IQGAP2: variants seen among roughly 807,000 people sequenced by gnomAD.
IQGAP2 encodes IQ motif containing GTPase activating protein 2, also known as ras GTPase-activating-like protein IQGAP2.
A neutral mutation model predicts 201.3 loss-of-function variants in IQGAP2; 173 were observed. That is an observed-to-expected ratio of 0.86 (90% CI 0.76 to 0.98). IQGAP2 has a LOEUF of 0.98. Among genes scored for constraint, IQGAP2 ranks in the 50% least tolerant of loss-of-function variants. IQGAP2 has a pLI of 0.00. For missense variants in IQGAP2, 1,687 were observed against 1,864.8 expected, an observed-to-expected ratio of 0.90 and a Z score of 1.76; for synonymous variants, 675 against 673.9, an observed-to-expected ratio of 1.00 and a Z score of -0.03.
intron 15 of IQGAP2, among the ~76,000 whole-genome samples, chr5:76,633,769 A>G (rs1208328159): frequency 6.6e-6 from 1 of 152,198 alleles, no homozygotes; most frequent in Non-Finnish European, 1.5e-5. Flanking sequence ...CATTTCATGT[A>G]AACAGAATTA....
chr5:76,546,120 C>T (rs961281683), intron 2 of IQGAP2, among the ~76,000 whole-genome samples: 3 of 152,186 alleles, frequency 2.0e-5, no homozygotes, highest in African/African-American at 7.2e-5. Flanking sequence ...GAAATGAACA[C>T]AGGTGTCTAT....
chr5:76,411,147 C>T (rs1408882646), intron 1 of IQGAP2, among the ~76,000 whole-genome samples: 3 of 152,122 alleles, frequency 2.0e-5, no homozygotes, highest in Non-Finnish European at 2.9e-5. Flanking sequence ...TTAATAGGCC[C>T]TCCAGGTGAT....
At chr5:76,584,495 A>C (rs1746104708) in intron 5 of IQGAP2, among the ~76,000 whole-genome samples, 1 of 152,146 alleles carries the variant, frequency 6.6e-6, no homozygotes, top group South Asian at 2.1e-4. Context: ...AGCTGTCGTG[A>C]GGTTTGCTCC....
At chr5:76,426,867 A>C (rs1752031618) in intron 1 of IQGAP2, among the ~76,000 whole-genome samples, 1 of 150,420 alleles carries the variant, frequency 6.6e-6, no homozygotes, top group East Asian at 2.0e-4. Context: ...ACTCAATGGC[A>C]GGCTCTTCTC....
chr5:76,410,251 G>A (rs1359472771), intron 1 of IQGAP2, among the ~76,000 whole-genome samples: 3 of 152,150 alleles, frequency 2.0e-5, no homozygotes, highest in African/African-American at 7.2e-5. Flanking sequence ...ATGACCTTGA[G>A]GAAGGTCAGA....
chr5:76,550,069 G>C (rs1324888719), intron 2 of IQGAP2, among the ~76,000 whole-genome samples: 1 of 152,196 alleles, frequency 6.6e-6, no homozygotes, highest in Non-Finnish European at 1.5e-5. Flanking sequence ...ATCAAAGTGA[G>C]AGAGACTCAA....
At chr5:76,520,276 GAA>G (rs1758591086) in intron 2 of IQGAP2, among the ~76,000 whole-genome samples, 1 of 152,150 alleles carries the variant, frequency 6.6e-6, no homozygotes, top group Non-Finnish European at 1.5e-5. Context: ...ACCACTTGTT[GAA>G]AAGACTACTC....
In IQGAP2 at chr5:76,444,086, G is replaced by A. The variant is rs888656852; in HGVS notation, c.47-17484G>A. On this transcript the variant is annotated intron_variant, in intron 1 of 35. Transcript: ENST00000274364. ...TCCTCACAATAGTAGAAAGAATTATGGAGTTAGAAAATCAATAGGCTGGGT... is the reference window on the plus strand; with the variant it reads ...TCCTCACAATAGTAGAAAGAATTATAGAGTTAGAAAATCAATAGGCTGGGT... 2.6e-5 allele frequency among the ~76,000 whole-genome samples: 4 copies of A among 152,170 alleles called. No homozygotes were observed. The South Asian group carries it at 6.2e-4, about 24-fold the overall frequency.
At chr5:76,610,993 A>G in intron 12 of IQGAP2, 27 bp from the exon 13 acceptor site, 1 of 1,591,322 alleles carries the variant, frequency 6.3e-7, no homozygotes, top group Non-Finnish European at 8.6e-7. Context: ...TGTGACTTAA[A>G]AGGAAAACTA....
At position 76,707,633 on chromosome 5, in the gene IQGAP2, T is replaced by G; in HGVS notation, c.*320T>G. 1 of 204,660 alleles carries G rather than the reference T, an allele frequency of 4.9e-6. No homozygotes were observed. Among genetic ancestry groups the G allele is most frequent in the Middle Eastern group, 1.7e-3 (1 of 578 alleles). 12.7% of individuals were successfully genotyped at this position (204,660 alleles called of 1,614,324 possible). A position where few individuals can be genotyped will look rare whatever the true frequency, so the allele number is the denominator to read the frequency against. On this transcript the variant is annotated 3_prime_UTR_variant, in exon 36 of 36. Coordinates refer to ENST00000274364, the MANE Select transcript of IQGAP2 (RefSeq NM_006633.5). ...ATTTAGCTGACTAGGGACAAACATG[T>G]AAACCTATTTTCCTATGAAAAAAAT...
intron 13 of IQGAP2, chr5:76,617,798 A>G (rs1405003072): frequency 3.1e-6 from 5 of 1,613,508 alleles, no homozygotes; most frequent in Non-Finnish European, 4.2e-6. Context: ...GGATGAGGAG[A>G]CTCGCCTTAA....
intron 23 of IQGAP2, among the ~76,000 whole-genome samples, chr5:76,670,479 A>C (rs1744210914): frequency 6.6e-6 from 1 of 152,178 alleles, no homozygotes; most frequent in Non-Finnish European, 1.5e-5. Context: ...GCGCCACTGC[A>C]CTCCAGCCTG....
At chr5:76,536,772 A>T (rs1759649426) in intron 2 of IQGAP2, among the ~76,000 whole-genome samples, 1 of 152,174 alleles carries the variant, frequency 6.6e-6, no homozygotes, top group Admixed American at 6.5e-5. Context: ...AAAAAAAAAA[A>T]AAAAAATTTG....
At chr5:76,618,551 G>A in intron 13 of IQGAP2, 4 of 1,614,116 alleles carry the variant, frequency 2.5e-6, no homozygotes, top group South Asian at 1.1e-5. Context: ...AGGCAGAAAA[G>A]GGGAACTCTT....
Position 76,654,527 on chromosome 5 carries a change from A to G in IQGAP2, c.2250+256A>G, listed in dbSNP as rs1237972209. On this transcript the variant is annotated intron_variant, in intron 19 of 35. Transcript: ENST00000274364. ...AAACTGTGGGCTAGTAACACCAAAG[A>G]GAAGACTCTAGAGAAATATTTTACA... 2.0e-5 allele frequency among the ~76,000 whole-genome samples: 3 copies of G among 152,358 alleles called. No homozygotes were observed. The East Asian group carries it at 5.8e-4, about 29-fold the overall frequency.
intron 14 of IQGAP2, among the ~76,000 whole-genome samples, chr5:76,627,981 G>A (rs1288263897): frequency 6.6e-6 from 1 of 152,146 alleles, no homozygotes; most frequent in Non-Finnish European, 1.5e-5. Context: ...TGAGTTTTGG[G>A]TCAAGCAAAC....
chr5:76,409,786 G>A (rs563850329), intron 1 of IQGAP2, among the ~76,000 whole-genome samples: 79 of 152,230 alleles, frequency 5.2e-4, no homozygotes, highest in Non-Finnish European at 9.7e-4. Context: ...TAGTGAAGCC[G>A]ACCTGTGAGC....
At chr5:76,661,591 G>T (rs944965361) in intron 21 of IQGAP2, among the ~76,000 whole-genome samples, 1 of 152,072 alleles carries the variant, frequency 6.6e-6, no homozygotes, top group African/African-American at 2.4e-5. Context: ...TTAACATGTG[G>T]CCTTGAGCAT....
At chr5:76,484,610 A>G (rs963990837) in intron 2 of IQGAP2, among the ~76,000 whole-genome samples, 1 of 152,312 alleles carries the variant, frequency 6.6e-6, no homozygotes, top group East Asian at 1.9e-4. Context: ...TATGTAACAA[A>G]CCTGCACGTT....
Sources: gnomAD v4.1 joint callset for allele counts (sites outside exome capture counted in the v4.1 genomes callset) on GRCh38, gnomAD v4.1.1 for gene constraint, MANE v1.5 for transcripts, NCBI Gene and HGNC (gene_info 2026-07-23, HGNC 2026-07-21) for gene names.